CHCHD3: variants seen among roughly 807,000 people sequenced by gnomAD.
The protein encoded by CHCHD3 is MICOS complex subunit MIC19.
A neutral mutation model predicts 38.2 loss-of-function variants in CHCHD3; 20 were observed. The ratio of observed to expected loss-of-function variants is 0.52; its 90% confidence interval spans 0.37 to 0.76. The LOEUF is 0.76. Ranked by LOEUF, CHCHD3 falls within the 30% of genes least tolerant of loss-of-function variation. CHCHD3 has a pLI of 0.00. For synonymous variants in CHCHD3, 82 were observed against 100.0 expected (o/e 0.82, Z 1.07); for missense variants, 245 against 279.2 (o/e 0.88, Z 0.87).
chr7:132,842,443 G>A (rs761151207), intron 5 of CHCHD3, among the ~76,000 whole-genome samples: 4 of 152,108 alleles, frequency 2.6e-5, no homozygotes, highest in Non-Finnish European at 4.4e-5. Flanking sequence ...AATTATCAAA[G>A]GTAATGATTT....
intron 4 of CHCHD3, among the ~76,000 whole-genome samples, chr7:132,900,482 C>G (rs1385077992): frequency 6.6e-6 from 1 of 152,124 alleles, no homozygotes; most frequent in African/African-American, 2.4e-5. Flanking sequence ...GTGAATGGAA[C>G]TCTAGTGGTT....
At chr7:132,920,234 T>C (rs1349403479) in intron 4 of CHCHD3, among the ~76,000 whole-genome samples, 1 of 152,188 alleles carries the variant, frequency 6.6e-6, no homozygotes, top group Non-Finnish European at 1.5e-5. Flanking sequence ...CATTACTCAT[T>C]TTCTGTCGCT....
chr7:132,942,740 T>C (rs1015547582), intron 4 of CHCHD3, among the ~76,000 whole-genome samples: 1 of 152,194 alleles, frequency 6.6e-6, no homozygotes, highest in African/African-American at 2.4e-5. Context: ...GAGAAAAACA[T>C]ATAACACAAA....
intron 3 of CHCHD3, among the ~76,000 whole-genome samples, chr7:132,990,951 T>TACACATACACACACACACACACAC (rs1812263103): frequency 7.0e-6 from 1 of 143,692 alleles, no homozygotes; most frequent in African/African-American, 2.7e-5. Context: ...CAGACACACA[T>TACACATACACACACACACACACAC]ACACACACAC....
At chr7:132,824,509 T>C (rs1221191801) in intron 6 of CHCHD3, among the ~76,000 whole-genome samples, 1 of 151,850 alleles carries the variant, frequency 6.6e-6, no homozygotes, top group East Asian at 1.9e-4. Context: ...AAAGACAGGG[T>C]TTCACCATGT....
chr7:132,794,526 T>C (rs1184542484), intron 7 of CHCHD3, among the ~76,000 whole-genome samples: 2 of 152,200 alleles, frequency 1.3e-5, no homozygotes, highest in Admixed American at 1.3e-4. Context: ...TCCATTTCAA[T>C]GTTGCCCATC....
intron 5 of CHCHD3, among the ~76,000 whole-genome samples, chr7:132,874,344 G>C (rs7795435): frequency 0.72 from 108,845 of 152,102 alleles, 39,037 homozygotes; most frequent in African/African-American, 0.75. Flanking sequence ...CACTTTCTAC[G>C]CTATGTAAGT....
chr7:133,078,111 C>T (rs182396123), intron 1 of CHCHD3, among the ~76,000 whole-genome samples: 1 of 152,112 alleles, frequency 6.6e-6, no homozygotes, highest in Admixed American at 6.5e-5. Flanking sequence ...AGTTTGAGAC[C>T]AGCCTGGCCA....
chr7:132,885,168 C>T (rs1809172190), intron 5 of CHCHD3, among the ~76,000 whole-genome samples: 1 of 152,168 alleles, frequency 6.6e-6, no homozygotes, highest in African/African-American at 2.4e-5. Context: ...ATGGGAATCA[C>T]TTGAACCTGG....
chr7:132,958,399 C>T (rs1015150019), intron 4 of CHCHD3, among the ~76,000 whole-genome samples: 2 of 151,754 alleles, frequency 1.3e-5, no homozygotes, highest in Non-Finnish European at 2.9e-5. Flanking sequence ...ATTCTCACAC[C>T]TTGCTGTGAT....
chr7:132,928,927 G>A (rs868509619), intron 4 of CHCHD3, among the ~76,000 whole-genome samples: 2 of 151,930 alleles, frequency 1.3e-5, no homozygotes, highest in African/African-American at 4.8e-5. Context: ...CAAATCCTGA[G>A]ATTTTGCTCC....
chr7:132,889,757 C>T (rs1009432573), intron 4 of CHCHD3, among the ~76,000 whole-genome samples: 12 of 152,172 alleles, frequency 7.9e-5, no homozygotes, highest in Non-Finnish European at 1.8e-4. Flanking sequence ...GGAAAAGTCA[C>T]ACGATATGAA....
intron 4 of CHCHD3, among the ~76,000 whole-genome samples, chr7:132,966,221 T>C (rs933655562): frequency 6.6e-6 from 1 of 152,228 alleles, no homozygotes; most frequent in African/African-American, 2.4e-5. Context: ...CTTACTTCAT[T>C]TGGTAATTCT....
At chr7:132,807,792 C>T (rs1806970035) in intron 6 of CHCHD3, among the ~76,000 whole-genome samples, 1 of 151,446 alleles carries the variant, frequency 6.6e-6, no homozygotes, top group Admixed American at 6.6e-5. Flanking sequence ...AGGAGATTGA[C>T]TTTTGCATAT....
At chr7:132,851,268 C>G (rs888144923) in intron 5 of CHCHD3, among the ~76,000 whole-genome samples, 7 of 152,068 alleles carry the variant, frequency 4.6e-5, no homozygotes, top group Non-Finnish European at 1.0e-4. Context: ...GAAAAATATG[C>G]CTTCATTTCC....
At chr7:132,804,201 C>T (rs74873870) in intron 6 of CHCHD3, among the ~76,000 whole-genome samples, 1,544 of 152,136 alleles carry the variant, frequency 0.01, 28 homozygotes, top group African/African-American at 0.035. Context: ...ACATACCCTC[C>T]CAGAAATAAT....
At chr7:133,011,969 G>A (rs1335950934) in intron 3 of CHCHD3, among the ~76,000 whole-genome samples, 4 of 152,144 alleles carry the variant, frequency 2.6e-5, no homozygotes, top group Non-Finnish European at 5.9e-5. Flanking sequence ...CTGCCACCCA[G>A]GCTGGAGTGC....
chr7:132,909,298 A>G (rs538872496), intron 4 of CHCHD3, among the ~76,000 whole-genome samples: 133 of 152,280 alleles, frequency 8.7e-4, no homozygotes, highest in Non-Finnish European at 1.6e-3. Flanking sequence ...GCTCGAGACC[A>G]GTCTGGCCAA....
intron 5 of CHCHD3, among the ~76,000 whole-genome samples, chr7:132,877,078 T>A (rs1182930660): frequency 3.9e-5 from 6 of 152,124 alleles, no homozygotes; most frequent in African/African-American, 9.7e-5. Context: ...GATCCCATGA[T>A]TTGCAAATCT....
Sources: gnomAD v4.1 joint callset for allele counts (sites outside exome capture counted in the v4.1 genomes callset) on GRCh38, gnomAD v4.1.1 for gene constraint, MANE v1.5 for transcripts, NCBI Gene and HGNC (gene_info 2026-07-23, HGNC 2026-07-21) for gene names.